CD96: variants seen among roughly 807,000 people sequenced by gnomAD.
CD96 encodes the protein CD96 molecule.
Under a neutral mutation model 71.3 loss-of-function variants are expected in CD96, and 70 were observed. The observed-to-expected ratio is 0.98, with a 90% CI of 0.81 to 1.20. CD96 has a LOEUF of 1.20. Ranked by LOEUF, CD96 falls within the 50% of genes most tolerant of loss-of-function variation. The pLI is 0.00. For synonymous variants in CD96, 248 were observed against 233.0 expected (o/e 1.06, Z -0.59); for missense variants, 742 against 677.5 (o/e 1.10, Z -1.06).
In CD96 at chr3:111,649,702, G is replaced by A; in HGVS notation, c.1606G>A (p.Glu536Lys). 3.7e-6 allele frequency: 6 copies of A among 1,609,444 alleles called. No individual in the cohort carries two copies. Among genetic ancestry groups the A allele is most frequent in the Non-Finnish European group, 4.3e-6 (5 of 1,175,804 alleles). ...AGACCAATATTTTGTTCCTAGAATG[G>A]AAAGACCTCCACCTTTCAAGCCACC... ...KWCQYQKEIM[E>K]RPPPFKPPPP... Residue 536 changes from glutamate (E) to lysine (K), a missense_variant, in exon 14 of 14, where the codon GAA (glutamate) becomes AAA (lysine). Transcript: ENST00000352690.
At chr3:111,601,006 C>A in intron 7 of CD96, 92 bp downstream of exon 7, 3 of 823,500 alleles carry the variant, frequency 3.6e-6, no homozygotes, top group South Asian at 3.2e-5. Context: ...ACTTCCATAA[C>A]GTTTTAATCT....
In CD96 at chr3:111,651,896, A is replaced by AAAAAGAAAGAAAGAAAGAAAG. The variant is rs1553713922; in HGVS notation, c.*2093_*2094insAGAAAGAAAGAAAGAAAGAAA. ...GAGACTCCGCCTCAAAAAAAAAAAA[A>AAAAAGAAAGAAAGAAAGAAAG]AAAGAAAGAAAGAAAGAAAGAAAGA... On this transcript the variant is annotated 3_prime_UTR_variant, in exon 14 of 14. Transcript: ENST00000352690. The AAAAAGAAAGAAAGAAAGAAAG allele has an allele frequency of 3.3e-3, 478 of 146,414 alleles. 3 individuals carry two copies. The highest frequency in any genetic ancestry group is 0.012 in the African/African-American group (460 of 39,354). The allele number at this position is 146,414 out of a possible 1,614,324, so 9.1% of individuals were successfully genotyped here. A position where few individuals can be genotyped will look rare whatever the true frequency, so the allele number is the denominator to read the frequency against.
intron 4 of CD96, among the ~76,000 whole-genome samples, chr3:111,581,625 C>T (rs1936471108): frequency 6.6e-6 from 1 of 152,234 alleles, no homozygotes; most frequent in East Asian, 1.9e-4. Context: ...CAGGGAGTCA[C>T]CTGCCCATCA....
At chr3:111,593,500 C>T (rs2107626830) in intron 5 of CD96, 1 of 1,500,168 alleles carries the variant, frequency 6.7e-7, no homozygotes, top group Non-Finnish European at 8.9e-7. Flanking sequence ...CTCTTTTCTA[C>T]AAGTCTAGAG....
chr3:111,593,538 G>A (rs1470523890), intron 5 of CD96: 2 of 1,511,732 alleles, frequency 1.3e-6, no homozygotes, highest in East Asian at 2.3e-5. Context: ...GATTCTCCAA[G>A]CCCAATTTAA....
At chr3:111,566,447 AATCACCTG>A (rs1935717570) in intron 2 of CD96, among the ~76,000 whole-genome samples, 1 of 152,194 alleles carries the variant, frequency 6.6e-6, no homozygotes, top group Non-Finnish European at 1.5e-5. Context: ...CATAAATTTA[AATCACCTG>A]TAGTTCAAGA....
intron 12 of CD96, among the ~76,000 whole-genome samples, chr3:111,639,714 C>T (rs564767050): frequency 6.6e-6 from 1 of 152,300 alleles, no homozygotes; most frequent in South Asian, 2.1e-4. Context: ...GGTAAGGACC[C>T]TCACAGAGTC....
intron 8 of CD96, among the ~76,000 whole-genome samples, chr3:111,620,527 G>A (rs191726055): frequency 6.6e-6 from 1 of 152,298 alleles, no homozygotes; most frequent in African/African-American, 2.4e-5. Flanking sequence ...TCTACATAAT[G>A]AGTGAGGTCC....
chr3:111,560,498 G>A (rs1232935849), intron 2 of CD96, among the ~76,000 whole-genome samples: 2 of 127,186 alleles, frequency 1.6e-5, no homozygotes, highest in Non-Finnish European at 3.3e-5. Flanking sequence ...GAAATTCTGG[G>A]TTGAAAATTC....
chr3:111,576,991 C>A (rs537962081), intron 3 of CD96, among the ~76,000 whole-genome samples: 1 of 152,298 alleles, frequency 6.6e-6, no homozygotes, highest in South Asian at 2.1e-4. Flanking sequence ...TTCTTTGCAA[C>A]TGAATCCCAT....
intron 14 of CD96, among the ~76,000 whole-genome samples, chr3:111,661,724 G>T (rs1342853238): frequency 6.6e-6 from 1 of 152,198 alleles, no homozygotes; most frequent in Non-Finnish European, 1.5e-5. Context: ...GGCTCCCAAG[G>T]CCTTGGAAAG....
At chr3:111,624,309 T>G in intron 9 of CD96, 24 bp from the exon 10 acceptor site, 1 of 1,540,256 alleles carries the variant, frequency 6.5e-7, no homozygotes, top group Non-Finnish European at 9.0e-7. Flanking sequence ...AAAGCTGGAT[T>G]CTGAAAATAA....
At chr3:111,589,192 C>G (rs903739338) in intron 5 of CD96, among the ~76,000 whole-genome samples, 1 of 151,974 alleles carries the variant, frequency 6.6e-6, no homozygotes, top group Admixed American at 6.5e-5. Flanking sequence ...CCTCGTGATC[C>G]GCCCGCCTCG....
chr3:111,605,865 T>C (rs960659047), intron 7 of CD96, among the ~76,000 whole-genome samples: 2 of 152,200 alleles, frequency 1.3e-5, no homozygotes, highest in African/African-American at 4.8e-5. Flanking sequence ...ATAATTGATA[T>C]ATATCAGCAG....
chr3:111,576,871 A>C (rs1272336924), intron 3 of CD96, among the ~76,000 whole-genome samples: 1 of 151,930 alleles, frequency 6.6e-6, no homozygotes, highest in Non-Finnish European at 1.5e-5. Context: ...CTCTCCTCCC[A>C]TTTGCTCTGT....
intron 8 of CD96, among the ~76,000 whole-genome samples, chr3:111,612,127 G>A (rs182966629): frequency 1.2e-4 from 19 of 152,314 alleles, no homozygotes; most frequent in Non-Finnish European, 2.4e-4. Context: ...TTGTATGTGG[G>A]AAAATGTCAG....
At chr3:111,616,851 C>T (rs556945592) in intron 8 of CD96, among the ~76,000 whole-genome samples, 1 of 152,266 alleles carries the variant, frequency 6.6e-6, no homozygotes, top group South Asian at 2.1e-4. Flanking sequence ...TTCAGGGCAG[C>T]TGCAGCCACC....
At chr3:111,570,946 T>C (rs721335) in intron 3 of CD96, 31,647 of 1,558,682 alleles carry the variant, frequency 0.02, 1,662 homozygotes, top group East Asian at 0.15. Flanking sequence ...TAGGGGGTCT[T>C]GAGTGGGCTG....
At chr3:111,633,316 T>A (rs1939164060) in intron 10 of CD96, among the ~76,000 whole-genome samples, 1 of 152,256 alleles carries the variant, frequency 6.6e-6, no homozygotes, top group Non-Finnish European at 1.5e-5. Context: ...CTCAAAATAA[T>A]TTCAATGGTA....
Sources: allele counts gnomAD v4.1 joint callset (sites outside exome capture counted in the v4.1 genomes callset), GRCh38; gene constraint gnomAD v4.1.1; transcripts MANE v1.5; gene names NCBI Gene and HGNC (gene_info 2026-07-23, HGNC 2026-07-21).